The following NAV3 variants were observed in gnomAD, a reference collection of about 807,000 sequenced individuals.
NAV3 encodes pore membrane and/or filament interacting like protein 1.
In NAV3, 87 loss-of-function variants were observed where a neutral mutation model predicts 244.7. The ratio of observed to expected loss-of-function variants is 0.36; its 90% CI spans 0.30 to 0.42. The LOEUF (loss-of-function observed/expected upper bound fraction) is 0.42, where lower values mean the gene tolerates loss of function less well. NAV3 is among the 20% of genes least tolerant of loss of function. The pLI is 1.00. For synonymous variants in NAV3, 1,126 were observed against 1,042.2 expected, an observed-to-expected ratio of 1.08 and a Z score of -1.55; for missense variants, 2,663 against 2,893.3, an observed-to-expected ratio of 0.92 and a Z score of 1.83.
chr12:78,114,678 A>C (rs1186251361), intron 12 of NAV3, among the ~76,000 whole-genome samples: 1 of 152,152 alleles, frequency 6.6e-6, no homozygotes, highest in Non-Finnish European at 1.5e-5. Flanking sequence ...AACTACTACA[A>C]TTCAAGAGGA....
intron 2 of NAV3, among the ~76,000 whole-genome samples, chr12:77,590,165 A>G (rs1007701187): frequency 7.0e-6 from 1 of 143,764 alleles, no homozygotes; most frequent in Admixed American, 7.0e-5. Context: ...GAACCCCAGT[A>G]GAGGCTGTGC....
At chr12:78,184,897 TC>T (rs1269370751) in intron 30 of NAV3, among the ~76,000 whole-genome samples, 1 of 151,816 alleles carries the variant, frequency 6.6e-6, no homozygotes. Context: ...TGGAAATTAA[TC>T]TGGTATAATA....
chr12:77,906,273 A>C (rs1486314870), intron 1 of NAV3, among the ~76,000 whole-genome samples: 2 of 152,050 alleles, frequency 1.3e-5, no homozygotes, highest in African/African-American at 2.4e-5. Flanking sequence ...CAGAGAGACA[A>C]AGAAAAATGA....
At chr12:78,202,269 T>C (rs1216093705) in intron 38 of NAV3, among the ~76,000 whole-genome samples, 1 of 152,092 alleles carries the variant, frequency 6.6e-6, no homozygotes, top group Non-Finnish European at 1.5e-5. Flanking sequence ...ACTCATAATT[T>C]TGAAGTTAAT....
At chr12:77,945,292 T>C (rs1184047631) in intron 3 of NAV3, among the ~76,000 whole-genome samples, 2 of 152,066 alleles carry the variant, frequency 1.3e-5, no homozygotes, top group Admixed American at 6.6e-5. Flanking sequence ...GAGGAAATTT[T>C]GGTCTGTGTG....
intron 12 of NAV3, among the ~76,000 whole-genome samples, chr12:78,112,988 C>T (rs1438741580): frequency 6.6e-6 from 1 of 152,174 alleles, no homozygotes; most frequent in Non-Finnish European, 1.5e-5. Context: ...TTGACCAAAA[C>T]CAAGGGGCTA....
intron 1 of NAV3, among the ~76,000 whole-genome samples, chr12:77,903,224 C>T (rs553790093): frequency 6.6e-5 from 10 of 152,236 alleles, no homozygotes; most frequent in Admixed American, 1.3e-4. Flanking sequence ...GGAGGCATCA[C>T]GCTACCTGAC....
At chr12:77,657,304 T>C (rs559134835) in intron 2 of NAV3, among the ~76,000 whole-genome samples, 4 of 152,202 alleles carry the variant, frequency 2.6e-5, no homozygotes, top group East Asian at 1.9e-4. Context: ...AAATACAAAC[T>C]ACCATCAGAG....
At chr12:77,976,900 ATC>A (rs1353444369) in intron 5 of NAV3, among the ~76,000 whole-genome samples, 1 of 151,756 alleles carries the variant, frequency 6.6e-6, no homozygotes. Flanking sequence ...GATGGTCTCG[ATC>A]TTGACCTCAT....
chr12:77,903,839 T>G (rs1424096408), intron 1 of NAV3, among the ~76,000 whole-genome samples: 1 of 152,124 alleles, frequency 6.6e-6, no homozygotes, highest in Admixed American at 6.5e-5. Flanking sequence ...GTGAAGGATA[T>G]GAACAGGCAC....
intron 2 of NAV3, among the ~76,000 whole-genome samples, chr12:77,688,891 C>T (rs970998181): frequency 6.6e-6 from 1 of 151,796 alleles, no homozygotes; most frequent in Non-Finnish European, 1.5e-5. Context: ...AAAAGGATTA[C>T]TAAGAAGTGA....
At chr12:77,902,805 C>T (rs1885468053) in intron 1 of NAV3, among the ~76,000 whole-genome samples, 1 of 152,166 alleles carries the variant, frequency 6.6e-6, no homozygotes. Flanking sequence ...TCTCAGGATA[C>T]AAAATCAATG....
intron 31 of NAV3, among the ~76,000 whole-genome samples, chr12:78,186,682 CT>C (rs528230432): frequency 6.6e-6 from 1 of 151,748 alleles, no homozygotes; most frequent in African/African-American, 2.4e-5. Flanking sequence ...CCTTTGAACA[CT>C]TTTTTCTAAA....
At chr12:77,945,196 A>G (rs778584204) in intron 3 of NAV3, among the ~76,000 whole-genome samples, 2 of 151,994 alleles carry the variant, frequency 1.3e-5, no homozygotes, top group Admixed American at 6.6e-5. Context: ...GAAAGCATAG[A>G]AGGAGGAAGC....
chr12:78,112,697 G>A (rs559977109), intron 12 of NAV3, among the ~76,000 whole-genome samples: 2 of 152,126 alleles, frequency 1.3e-5, no homozygotes, highest in Non-Finnish European at 2.9e-5. Context: ...AATTCAAGAT[G>A]AGATTTGGGT....
chr12:78,163,311 G>T (rs451668), intron 23 of NAV3, among the ~76,000 whole-genome samples: 6,950 of 152,020 alleles, frequency 0.046, 193 homozygotes, highest in Non-Finnish European at 0.072. Context: ...CAAATAACAC[G>T]GAATCTCTTG....
At chr12:77,719,025 G>A (rs1264388717) in intron 2 of NAV3, among the ~76,000 whole-genome samples, 2 of 152,066 alleles carry the variant, frequency 1.3e-5, no homozygotes, top group Non-Finnish European at 2.9e-5. Context: ...TCATGTACAA[G>A]TCTTTTCTTC....
chr12:77,653,229 C>A (rs1304539413), intron 2 of NAV3, among the ~76,000 whole-genome samples: 1 of 152,164 alleles, frequency 6.6e-6, no homozygotes, highest in African/African-American at 2.4e-5. Flanking sequence ...TTTGGCTGTT[C>A]AAGAGCAGAA....
intron 1 of NAV3, among the ~76,000 whole-genome samples, chr12:77,912,112 G>A (rs1019208546): frequency 6.6e-6 from 1 of 152,062 alleles, no homozygotes; most frequent in African/African-American, 2.4e-5. Context: ...TGTTTGGGGT[G>A]GAATTGTGCC....
Sources: allele counts gnomAD v4.1 joint callset (sites outside exome capture counted in the v4.1 genomes callset), GRCh38; gene constraint gnomAD v4.1.1; transcripts MANE v1.5; gene names NCBI Gene and HGNC (gene_info 2026-07-23, HGNC 2026-07-21).